METTL16: variants seen among roughly 807,000 people sequenced by gnomAD.
METTL16 encodes the protein RNA N(6)-adenosine-methyltransferase METTL16.
In METTL16, 19 loss-of-function variants were observed where a neutral mutation model predicts 57.9. The observed-to-expected ratio is 0.33, with a 90% CI of 0.23 to 0.48. METTL16 has a LOEUF of 0.48. METTL16 is among the 20% of genes least tolerant of loss of function. The pLI is 0.99. For synonymous variants in METTL16, 246 were observed against 255.6 expected, an observed-to-expected ratio of 0.96 and a Z score of 0.36; for missense variants, 434 against 691.5, an observed-to-expected ratio of 0.63 and a Z score of 4.18.
rs577950706 is a variant in METTL16, at chr17:2,420,350, G to C, written c.1309C>G (p.Arg437Gly). 5.6e-6 allele frequency: 9 copies of C among 1,611,478 alleles called. No individual in the cohort carries two copies. The East Asian group carries it at 2.0e-4, about 36-fold the overall frequency. ...TCCACAGCGGCAGCCTCGCCTTCCCGCAGAGCAGGCCCACAGGGGGTCCTC... is the reference window on the plus strand; with the variant it reads ...TCCACAGCGGCAGCCTCGCCTTCCCCCAGAGCAGGCCCACAGGGGGTCCTC... ...QERTPCGPALREGEAAAVEGP... is the reference protein window; with the variant it reads ...QERTPCGPALGEGEAAAVEGP... Residue 437 changes from arginine (R) to glycine (G), a missense_variant, in exon 10 of 10, where the codon CGG (arginine) becomes GGG (glycine). This residue lies in a region of METTL16 where 168 missense variants were observed against 149.6 expected (regional missense o/e 1.12). Coordinates refer to ENST00000263092, the MANE Select transcript of METTL16 (RefSeq NM_024086.4). The surrounding 1 kb of genome is among the most constrained non-coding windows in gnomAD (Gnocchi z 5.4).
intron 8 of METTL16, among the ~76,000 whole-genome samples, chr17:2,425,590 A>G (rs2066811735): frequency 6.6e-6 from 1 of 152,222 alleles, no homozygotes; most frequent in Admixed American, 6.5e-5. Context: ...ATTAGATCAC[A>G]GAAGCCATCA....
intron 6 of METTL16, among the ~76,000 whole-genome samples, chr17:2,457,059 C>T (rs745351297): frequency 1.3e-5 from 2 of 151,354 alleles, no homozygotes; most frequent in Non-Finnish European, 2.9e-5. Flanking sequence ...GTCAGCTGGG[C>T]GTGGTGGCTC....
chr17:2,442,053 C>A (rs1009869348), intron 6 of METTL16, among the ~76,000 whole-genome samples: 4 of 152,090 alleles, frequency 2.6e-5, no homozygotes, highest in Non-Finnish European at 4.4e-5. Context: ...AGAGTAAAAA[C>A]AAATCCAGAA....
intron 2 of METTL16, among the ~76,000 whole-genome samples, chr17:2,498,232 T>C (rs1398153494): frequency 6.9e-6 from 1 of 144,248 alleles, no homozygotes; most frequent in African/African-American, 2.7e-5. Context: ...CCCATCATAG[T>C]GAAACCCCGT....
chr17:2,455,087 CTTTTT>C (rs954892604), intron 6 of METTL16: 47 of 112,070 alleles, frequency 4.2e-4, no homozygotes, highest in South Asian at 1.3e-3. Flanking sequence ...TGCCCAGGTA[CTTTTT>C]TTTTTTTTTT....
chr17:2,443,662 T>A (rs1242566918), intron 6 of METTL16, among the ~76,000 whole-genome samples: 3 of 151,794 alleles, frequency 2.0e-5, no homozygotes, highest in Non-Finnish European at 2.9e-5. Flanking sequence ...ATTTTTTTTT[T>A]ATTATTATTT....
intron 8 of METTL16, among the ~76,000 whole-genome samples, chr17:2,430,301 C>A (rs527251606): frequency 6.6e-6 from 1 of 150,610 alleles, no homozygotes; most frequent in Non-Finnish European, 1.5e-5. Flanking sequence ...ATAGAGACAG[C>A]GCTGCTGTAC....
At chr17:2,478,854 T>G (rs1012134226) in intron 2 of METTL16, among the ~76,000 whole-genome samples, 10 of 152,208 alleles carry the variant, frequency 6.6e-5, no homozygotes, top group African/African-American at 2.4e-4. Context: ...TGACTACATT[T>G]TGTTTATCCA....
At chr17:2,448,116 A>G (rs1186872125) in intron 6 of METTL16, among the ~76,000 whole-genome samples, 1 of 54,010 alleles carries the variant, frequency 1.9e-5, no homozygotes, top group Non-Finnish European at 3.7e-5. Context: ...TCCGGGAGGG[A>G]GGTGGGGGGG....
chr17:2,479,835 C>T (rs1438590098), intron 2 of METTL16, among the ~76,000 whole-genome samples: 1 of 152,114 alleles, frequency 6.6e-6, no homozygotes, highest in Non-Finnish European at 1.5e-5. Flanking sequence ...GCTCTGCAAT[C>T]AATTTGCCAT....
chr17:2,432,572 A>G (rs1480394409), intron 8 of METTL16, among the ~76,000 whole-genome samples: 2 of 147,802 alleles, frequency 1.4e-5, no homozygotes, highest in African/African-American at 4.9e-5. Flanking sequence ...GTCTCAAAAT[A>G]AAAAAAAAAA....
intron 2 of METTL16, among the ~76,000 whole-genome samples, chr17:2,486,261 C>T (rs997716000): frequency 2.6e-5 from 4 of 151,834 alleles, no homozygotes; most frequent in African/African-American, 9.7e-5. Context: ...TTAATAATCA[C>T]ACCAGGATAC....
At chr17:2,454,563 A>ATTTTTTTTTT (rs5818860) in intron 6 of METTL16, among the ~76,000 whole-genome samples, 3 of 126,246 alleles carry the variant, frequency 2.4e-5, no homozygotes, top group Non-Finnish European at 4.9e-5. Flanking sequence ...TATTATTATT[A>ATTTTTTTTTT]TTTTTTTTTT....
At chr17:2,494,186 T>A (rs1470760963) in intron 2 of METTL16, among the ~76,000 whole-genome samples, 1 of 151,850 alleles carries the variant, frequency 6.6e-6, no homozygotes, top group African/African-American at 2.4e-5. Context: ...GCTGGGAGGT[T>A]AATTTTTGTA....
intron 1 of METTL16, among the ~76,000 whole-genome samples, chr17:2,503,032 G>A (rs984963630): frequency 2.0e-5 from 3 of 152,316 alleles, no homozygotes; most frequent in Non-Finnish European, 2.9e-5. Flanking sequence ...GTCGAAAAAC[G>A]CTTGGCGGTT....
At chr17:2,430,671 G>A (rs1407423201) in intron 8 of METTL16, among the ~76,000 whole-genome samples, 1 of 151,926 alleles carries the variant, frequency 6.6e-6, no homozygotes, top group Non-Finnish European at 1.5e-5. Flanking sequence ...GCCGGCCTTG[G>A]CCTCCTAAAG....
intron 6 of METTL16, among the ~76,000 whole-genome samples, chr17:2,443,468 C>T (rs1330645104): frequency 6.6e-6 from 1 of 150,712 alleles, no homozygotes; most frequent in Admixed American, 6.6e-5. Flanking sequence ...GCCAGTATTA[C>T]ATCAACAAAT....
At chr17:2,435,905 G>T (rs2066905635) in intron 8 of METTL16, among the ~76,000 whole-genome samples, 1 of 152,050 alleles carries the variant, frequency 6.6e-6, no homozygotes. Flanking sequence ...AGCTTAGGGG[G>T]TTCCTTTGCA....
intron 4 of METTL16, among the ~76,000 whole-genome samples, chr17:2,470,639 T>C (rs559694564): frequency 7.2e-5 from 11 of 151,966 alleles, no homozygotes; most frequent in African/African-American, 2.7e-4. Flanking sequence ...TAAGACCCCA[T>C]CTCTACAAAA....
Sources: allele counts gnomAD v4.1 joint callset (sites outside exome capture counted in the v4.1 genomes callset), GRCh38; gene constraint gnomAD v4.1.1; regional missense constraint gnomAD v4.1.1; non-coding constraint Gnocchi (gnomAD v3.1); transcripts MANE v1.5; gene names NCBI Gene and HGNC (gene_info 2026-07-23, HGNC 2026-07-21).